Variants in SHANK2 observed in about 807,000 individuals in gnomAD.
The protein encoded by SHANK2 is SH3 and multiple ankyrin repeat domains 2.
Under a neutral mutation model 133.7 loss-of-function variants are expected in SHANK2, and 43 were observed. The ratio of observed to expected loss-of-function variants is 0.32; its 90% CI spans 0.25 to 0.41. The LOEUF (loss-of-function observed/expected upper bound fraction) is 0.41. SHANK2 is among the 10% of genes least tolerant of loss of function. The pLI is 1.00. For synonymous variants in SHANK2, 1,017 were observed against 952.8 expected, an observed-to-expected ratio of 1.07 and a Z score of -1.24; for missense variants, 1,994 against 2,235.8, an observed-to-expected ratio of 0.89 and a Z score of 2.18.
chr11:70,661,007 A>T (rs1480592317), intron 16 of SHANK2, among the ~76,000 whole-genome samples: 2 of 152,230 alleles, frequency 1.3e-5, no homozygotes, highest in African/African-American at 4.8e-5. Context: ...CATGGACTGC[A>T]TTCCTGAGCC....
intron 17 of SHANK2, among the ~76,000 whole-genome samples, chr11:70,547,648 G>C (rs782528707): frequency 1.4e-4 from 22 of 152,284 alleles, no homozygotes; most frequent in Non-Finnish European, 2.6e-4. Context: ...GCGTGTCTGA[G>C]TATCAAACAG....
intron 17 of SHANK2, among the ~76,000 whole-genome samples, chr11:70,596,634 C>A (rs1554989639): frequency 6.6e-6 from 1 of 152,214 alleles, no homozygotes. Context: ...ACAGCAGGGC[C>A]AGTGCAGCGC....
At chr11:70,695,494 T>C (rs1200279565) in intron 15 of SHANK2, among the ~76,000 whole-genome samples, 1 of 152,154 alleles carries the variant, frequency 6.6e-6, no homozygotes, top group Non-Finnish European at 1.5e-5. Context: ...AACAATGCTT[T>C]GGGAGGTGCT....
At chr11:71,068,139 C>T (rs1243981218) in intron 9 of SHANK2, among the ~76,000 whole-genome samples, 1 of 152,184 alleles carries the variant, frequency 6.6e-6, no homozygotes, top group Non-Finnish European at 1.5e-5. Context: ...ACATGATCAC[C>T]GTCACTATCA....
At position 71,237,212 on chromosome 11, in the gene SHANK2, G is replaced by A. The variant is rs115052573; in HGVS notation, c.-112-12416C>T. Among the ~76,000 whole-genome samples, 719 of 152,292 alleles carry A rather than the reference G, an allele frequency of 4.7e-3. 9 individuals are homozygous for A. The highest frequency in any genetic ancestry group is 0.016 in the African/African-American group (675 of 41,566). On this transcript the variant is annotated intron_variant, in intron 1 of 25. Coordinates refer to ENST00000601538, the MANE Select transcript of SHANK2 (RefSeq NM_012309.5). ...CCCAGAACCACCAAGTAGCCAGTGG[G>A]CAATAAGGACTGAGTCCAGGGACTG... is the stretch of plus-strand genomic sequence containing the variant.
chr11:71,069,378 A>C (rs1305459603), intron 9 of SHANK2, among the ~76,000 whole-genome samples: 1 of 151,802 alleles, frequency 6.6e-6, no homozygotes, highest in Non-Finnish European at 1.5e-5. Flanking sequence ...TGCCTTCATC[A>C]TCAACACCTT....
At chr11:70,507,277 G>A (rs985279276) in intron 17 of SHANK2, among the ~76,000 whole-genome samples, 10 of 152,182 alleles carry the variant, frequency 6.6e-5, no homozygotes, top group Non-Finnish European at 5.9e-5. Context: ...CACTGCCTTT[G>A]ATGCCATCTG....
At chr11:70,587,319 C>T (rs1449295819) in intron 17 of SHANK2, among the ~76,000 whole-genome samples, 2 of 152,154 alleles carry the variant, frequency 1.3e-5, no homozygotes, top group African/African-American at 2.4e-5. Flanking sequence ...CCAACAGGAC[C>T]CCTAACTAGA....
At chr11:70,621,537 G>C (rs782454365) in intron 17 of SHANK2, among the ~76,000 whole-genome samples, 20 of 152,240 alleles carry the variant, frequency 1.3e-4, no homozygotes, top group Non-Finnish European at 2.6e-4. Flanking sequence ...CATGGCAGGT[G>C]CTTGGGAAAT....
At chr11:71,199,699 A>C (rs1555116761) in intron 2 of SHANK2, among the ~76,000 whole-genome samples, 1 of 152,222 alleles carries the variant, frequency 6.6e-6, no homozygotes, top group Non-Finnish European at 1.5e-5. Context: ...CTGGGTCGTC[A>C]GGAACCGTGG....
At chr11:70,871,725 C>T (rs367678504) in intron 11 of SHANK2, among the ~76,000 whole-genome samples, 76 of 152,276 alleles carry the variant, frequency 5.0e-4, no homozygotes, top group African/African-American at 1.4e-3. Context: ...AGGGGCCCTG[C>T]AGGGTTTTAC....
intron 10 of SHANK2, among the ~76,000 whole-genome samples, chr11:70,900,529 C>T (rs1555076548): frequency 1.3e-5 from 2 of 152,264 alleles, no homozygotes; most frequent in African/African-American, 4.8e-5. Flanking sequence ...CCTAGGACAG[C>T]TGCTGAAATA....
At chr11:70,934,262 A>AG (rs1481797883) in intron 10 of SHANK2, among the ~76,000 whole-genome samples, 2 of 151,496 alleles carry the variant, frequency 1.3e-5, no homozygotes, top group Admixed American at 6.6e-5. Context: ...AAAAAAAAAA[A>AG]AACAGCAGCA....
chr11:70,665,808 G>A (rs1180740874), intron 15 of SHANK2, among the ~76,000 whole-genome samples: 1 of 152,222 alleles, frequency 6.6e-6, no homozygotes, highest in Non-Finnish European at 1.5e-5. Flanking sequence ...ATGAGCAGGA[G>A]GCTCCTTGTA....
At chr11:71,221,564 T>C (rs1192367068) in intron 2 of SHANK2, among the ~76,000 whole-genome samples, 1 of 152,198 alleles carries the variant, frequency 6.6e-6, no homozygotes, top group Non-Finnish European at 1.5e-5. Flanking sequence ...TTTGAGACAA[T>C]AGCAAAGAAC....
chr11:70,931,310 T>C (rs1002156363), intron 10 of SHANK2, among the ~76,000 whole-genome samples: 4 of 152,226 alleles, frequency 2.6e-5, no homozygotes, highest in South Asian at 2.1e-4. Flanking sequence ...ACTGTGAATA[T>C]ACCAGAAACC....
chr11:70,649,785 G>A (rs2061317916), intron 17 of SHANK2, among the ~76,000 whole-genome samples: 1 of 152,228 alleles, frequency 6.6e-6, no homozygotes, highest in Admixed American at 6.5e-5. Flanking sequence ...TGGGTGTACA[G>A]CATCCACACA....
Position 70,882,733 on chromosome 11 carries a change from C to T in SHANK2, c.1174+13768G>A, listed in dbSNP as rs1460694442. Reference sequence around the variant, plus strand: ...TTGCTAAAAGGCGGCAGTGGCTTATCCTCATGTCCACAGGAAAGGCCACCT... The same window carrying T: ...TTGCTAAAAGGCGGCAGTGGCTTATTCTCATGTCCACAGGAAAGGCCACCT... On this transcript the variant is annotated intron_variant, in intron 11 of 25. Coordinates refer to ENST00000601538, the MANE Select transcript of SHANK2 (RefSeq NM_012309.5). The surrounding 1 kb of genome is among the most constrained non-coding windows in gnomAD (Gnocchi z 4.2). 1.3e-5 allele frequency among the ~76,000 whole-genome samples: 2 copies of T among 152,192 alleles called. No homozygotes were observed. Among genetic ancestry groups the T allele is most frequent in the African/African-American group, 4.8e-5 (2 of 41,456 alleles).
chr11:70,889,536 G>C (rs1555074227), intron 11 of SHANK2, among the ~76,000 whole-genome samples: 1 of 152,242 alleles, frequency 6.6e-6, no homozygotes, highest in African/African-American at 2.4e-5. Flanking sequence ...CAGGTCCTGA[G>C]AAGCAAAGGA....
Sources: gnomAD v4.1 joint callset for allele counts (sites outside exome capture counted in the v4.1 genomes callset) on GRCh38, gnomAD v4.1.1 for gene constraint, Gnocchi (gnomAD v3.1) non-coding constraint, MANE v1.5 for transcripts, NCBI Gene and HGNC (gene_info 2026-07-23, HGNC 2026-07-21) for gene names.